Variants in PRR12 observed in about 807,000 individuals in gnomAD.
The protein encoded by PRR12 is proline-rich protein 12.
In PRR12, 12 loss-of-function variants were observed where a neutral mutation model predicts 138.0. The observed-to-expected ratio is 0.09, with a 90% confidence interval of 0.06 to 0.14. The LOEUF is 0.14. PRR12 is among the 10% of genes least tolerant of loss of function. PRR12 has a pLI of 1.00. For missense variants in PRR12, 2,692 were observed against 2,861.3 expected (o/e 0.94, Z 1.35); for synonymous variants, 1,567 against 1,291.7 (o/e 1.21, Z -4.57).
Position 49,596,841 on chromosome 19 carries a change from C to CCAA in PRR12, c.2507_2508insAAC (p.Pro836_Pro837insThr). 1 of 1,586,254 alleles carries CCAA rather than the reference C, an allele frequency of 6.3e-7. No homozygotes were observed. Among genetic ancestry groups the CCAA allele is most frequent in the Non-Finnish European group, 8.5e-7 (1 of 1,172,088 alleles). On this transcript the variant is annotated inframe_insertion, in exon 4 of 14. Coordinates refer to ENST00000418929, the MANE Select transcript of PRR12 (RefSeq NM_020719.3). The surrounding 1 kb of genome is among the most constrained non-coding windows in gnomAD (Gnocchi z 5.6). ...CACCCGCGATGGGGCACCCCAGCCA[C>CCAA]CTCCACCGCCACCCCCGCCTCCACC...
At chr19:49,620,617 A>G in intron 10 of PRR12, 140 bp downstream of exon 10, 1 of 1,275,702 alleles carries the variant, frequency 7.8e-7, no homozygotes, top group Non-Finnish European at 1.1e-6. Context: ...TGAGGCCTGG[A>G]CCTGGGTCTG....
intron 6 of PRR12, among the ~76,000 whole-genome samples, chr19:49,607,831 C>T (rs1237219793): frequency 6.6e-6 from 1 of 152,020 alleles, no homozygotes; most frequent in South Asian, 2.1e-4. Context: ...CCAGCCTGGT[C>T]AACATAGTGA....
chr19:49,595,876 AC>A lies in PRR12; in HGVS notation c.1544del (p.Pro515GlnfsTer76). On this transcript the variant is annotated frameshift_variant, in exon 4 of 14. Transcript: ENST00000418929. LOFTEE classifies it high-confidence loss of function. ...GQLYGVQGEP[Y>X]PGPAAHSQGL... The stretch of plus-strand genomic sequence containing the variant: ...CTGTATGGGGTGCAGGGCGAGCCAT[AC>A]CCAGGGCCAGCCGCCCACTCCCAGG... 6.2e-7 allele frequency: 1 copy of A among 1,603,372 alleles called. No homozygotes were observed.
rs2080775535 is a variant in PRR12 at position 49,596,967 on chromosome 19, G to A, written c.2632G>A (p.Gly878Ser). Residue 878 changes from glycine (G) to serine (S), a missense_variant, in exon 4 of 14, where the codon GGC becomes AGC. Around this residue, in one of 11 missense-constraint regions of PRR12, gnomAD observed 840 missense variants for 689.8 expected, o/e 1.22. Coordinates refer to ENST00000418929, the MANE Select transcript of PRR12 (RefSeq NM_020719.3). This position sits in a 1 kb window ranked among gnomAD's most constrained non-coding sequence, Gnocchi z 5.6. ...LRPEESLDPP[G>S]AMQELLGALE... Reference sequence around the variant, plus strand: ...ACCCGAGGAGAGCCTGGATCCGCCAGGCGCCATGCAGGAATTGCTCGGGGC... The same window carrying A: ...ACCCGAGGAGAGCCTGGATCCGCCAAGCGCCATGCAGGAATTGCTCGGGGC... The A allele has an allele frequency of 5.1e-6, 8 of 1,553,572 alleles. No homozygotes were observed. Among genetic ancestry groups the A allele is most frequent in the Non-Finnish European group, 6.9e-6 (8 of 1,153,916 alleles).
chr19:49,608,482 T>G (rs1183739971), intron 6 of PRR12, among the ~76,000 whole-genome samples: 1 of 152,060 alleles, frequency 6.6e-6, no homozygotes, highest in Non-Finnish European at 1.5e-5. Flanking sequence ...CTGGGACTCC[T>G]GCCTCAGCCT....
chr19:49,602,615 A>G (rs1013030985), intron 6 of PRR12, among the ~76,000 whole-genome samples: 2 of 152,136 alleles, frequency 1.3e-5, no homozygotes, highest in African/African-American at 4.8e-5. Flanking sequence ...GCGATGGCTC[A>G]ATCTCGGCTC....
At position 49,625,273 on chromosome 19, in the gene PRR12, C is replaced by A; in HGVS notation, c.5964+73C>A. 2 of 1,532,366 alleles carry A rather than the reference C, an allele frequency of 1.3e-6. No homozygotes were observed. The highest frequency in any genetic ancestry group is 9.0e-7 in the Non-Finnish European group (1 of 1,113,046). The allele number at this position is 1,532,366 out of a possible 1,614,324, so 94.9% of individuals were successfully genotyped here. A position where few individuals can be genotyped will look rare whatever the true frequency, so the allele number is the denominator to read the frequency against. Reference sequence around the variant, plus strand: ...GACTTCCTCTTGGGATCTGAGGGTCCAAGCCCAGCCCCATCCTGCCTCAGA... The same window carrying A: ...GACTTCCTCTTGGGATCTGAGGGTCAAAGCCCAGCCCCATCCTGCCTCAGA... On this transcript the variant is annotated intron_variant, in intron 13 of 13. Coordinates refer to ENST00000418929, the MANE Select transcript of PRR12 (RefSeq NM_020719.3). This position sits in a 1 kb window ranked among gnomAD's most constrained non-coding sequence, Gnocchi z 5.5.
chr19:49,606,985 G>T (rs1187929582), intron 6 of PRR12, among the ~76,000 whole-genome samples: 1 of 151,754 alleles, frequency 6.6e-6, no homozygotes, highest in African/African-American at 2.4e-5. Context: ...TTTCATTCCT[G>T]GTTTATAAAG....
rs779811425 is a variant in PRR12 at position 49,625,241 on chromosome 19, C to T, written c.5964+41C>T. ...AGCACCCATCGCCCTGGGATTCCAA[C>T]CTTTCTGACTTCCTCTTGGGATCTG... On this transcript the variant is annotated intron_variant, in intron 13 of 13. Coordinates refer to ENST00000418929, the MANE Select transcript of PRR12 (RefSeq NM_020719.3). This position sits in a 1 kb window ranked among gnomAD's most constrained non-coding sequence, Gnocchi z 5.5. The T allele has an allele frequency of 3.8e-6, 6 of 1,585,364 alleles. No homozygotes were observed. The South Asian group carries it at 6.6e-5, about 18-fold the overall frequency.
chr19:49,620,302 G>A (rs60074767), intron 9 of PRR12, 50 bp from the exon 10 acceptor site: 62,259 of 1,607,758 alleles, frequency 0.039, 1,705 homozygotes, highest in South Asian at 0.1. Context: ...CCACACAGGT[G>A]GTCTCAGAGG....
rs1191164401 is a variant in PRR12 at position 49,599,244 on chromosome 19, C to T, written c.3679-28C>T. 6 of 1,530,330 alleles carry T rather than the reference C, an allele frequency of 3.9e-6. No individual in the cohort carries two copies. Among genetic ancestry groups the T allele is most frequent in the Admixed American group, 2.0e-5 (1 of 48,800 alleles). 94.8% of individuals were successfully genotyped at this position (1,530,330 alleles called of 1,614,324 possible). ...GGACTGGGGGCCCAGGCTACTGGGC[C>T]CTCACGGCCCGCCACTCCCATGTCT... On this transcript the variant is annotated intron_variant, in intron 4 of 13. Transcript: ENST00000418929. This position sits in a 1 kb window ranked among gnomAD's most constrained non-coding sequence, Gnocchi z 5.0.
At position 49,616,006 on chromosome 19, in the gene PRR12, G is replaced by C; in HGVS notation, c.5284G>C (p.Gly1762Arg). The C allele has an allele frequency of 6.4e-7, 1 of 1,553,162 alleles. No homozygotes were observed. The highest frequency in any genetic ancestry group is 8.7e-7 in the Non-Finnish European group (1 of 1,147,994). ...ATTGCGGGGTGAGCGGGCCACCAGC[G>C]GACGGCAGACACGGCCAGAGCGGAG... ...RPLRGERATSGRQTRPERSLA... is the reference protein window; with the variant it reads ...RPLRGERATSRRQTRPERSLA... Residue 1762 changes from glycine to arginine, a missense_variant, in exon 9 of 14, where the codon GGA becomes CGA. Coordinates refer to ENST00000418929, the MANE Select transcript of PRR12 (RefSeq NM_020719.3). This position sits in a 1 kb window ranked among gnomAD's most constrained non-coding sequence, Gnocchi z 4.2.
Position 49,593,331 on chromosome 19 carries a change from G to A in PRR12, c.91G>A (p.Val31Ile). The A allele has an allele frequency of 6.2e-7, 1 of 1,601,528 alleles. No individual in the cohort carries two copies. The highest frequency in any genetic ancestry group is 8.5e-7 in the Non-Finnish European group (1 of 1,172,382). The change falls in exon 2 of 14, where the codon GTT becomes ATT. Residue 31 changes from valine to isoleucine, a missense_variant. By Grantham distance (29) the Val-to-Ile change is conservative. Coordinates refer to ENST00000418929, the MANE Select transcript of PRR12 (RefSeq NM_020719.3). ...SYERSAKASL[V>I]YGSSRTSHPE... ...ACGTCTCCCCTTTCCCCCCAGCTTG[G>A]TTTATGGCAGCTCCAGGACCTCGCA...
chr19:49,601,737 C>T lies in PRR12; in HGVS notation c.4592C>T (p.Ala1531Val). Residue 1531 changes from alanine to valine, a missense_variant, in exon 6 of 14, where the codon GCC (alanine) becomes GTC (valine). Transcript: ENST00000418929. ...CTGGCTGCTCCTCCTGAGGAGCCCG[C>T]CGCCCCGTCTCCCGAAGACCCCGAG... ...APLAAPPEEPAAPSPEDPELP... is the reference protein window; with the variant it reads ...APLAAPPEEPVAPSPEDPELP... The T allele has an allele frequency of 6.5e-7, 1 of 1,550,034 alleles. No homozygotes were observed.
At chr19:49,612,888 TC>T (rs2080873783) in intron 6 of PRR12, among the ~76,000 whole-genome samples, 1 of 151,688 alleles carries the variant, frequency 6.6e-6, no homozygotes, top group South Asian at 2.1e-4. Flanking sequence ...GGTCTCAAAC[TC>T]CCGACCTCAA....
rs1224910862 is a variant in PRR12 at position 49,615,844 on chromosome 19, A to G, written c.5122A>G (p.Lys1708Glu). 3.7e-6 allele frequency: 6 copies of G among 1,609,746 alleles called. No homozygotes were observed. Among genetic ancestry groups the G allele is most frequent in the Non-Finnish European group, 5.1e-6 (6 of 1,178,214 alleles). Reference protein sequence around the residue: ...APPPKPETPEKTTSEKPPEQT... With the variant: ...APPPKPETPEETTSEKPPEQT... ...ACCTCCCAAGCCTGAGACCCCTGAA[A>G]AGACGACATCTGAGAAGCCCCCAGA... is the stretch of plus-strand genomic sequence containing the variant. The change falls in exon 9 of 14, where the codon AAG becomes GAG. Residue 1708 changes from lysine (K) to glutamate (E), a missense_variant. Lys to Glu is a moderately conservative substitution (Grantham distance 56, BLOSUM62 1). Transcript: ENST00000418929.
At chr19:49,618,939 T>G (rs1227077991) in intron 9 of PRR12, among the ~76,000 whole-genome samples, 1 of 151,926 alleles carries the variant, frequency 6.6e-6, no homozygotes, top group East Asian at 1.9e-4. Flanking sequence ...TGCTCTCAGC[T>G]CTCTCATGGC....
chr19:49,610,294 C>T (rs1448150425), intron 6 of PRR12, among the ~76,000 whole-genome samples: 1 of 152,014 alleles, frequency 6.6e-6, no homozygotes, highest in Non-Finnish European at 1.5e-5. Context: ...CTGCAGTTTT[C>T]TCATTAATAT....
rs1370989220 is a variant in PRR12, at chr19:49,616,548, C to T, written c.5497+329C>T. On this transcript the variant is annotated intron_variant, in intron 9 of 13. Transcript: ENST00000418929. The surrounding 1 kb of genome is among the most constrained non-coding windows in gnomAD (Gnocchi z 4.2). ...AGTTGCAACTGAGCCCAGGGTGCCT[C>T]GGACTCTGTTCTTCAGTGCTGCGTT... Among the ~76,000 whole-genome samples, 5 of 152,092 alleles carry T rather than the reference C, an allele frequency of 3.3e-5. No homozygotes were observed. The highest frequency in any genetic ancestry group is 3.3e-4 in the Admixed American group (5 of 15,264).
Sources: gnomAD v4.1 joint callset for allele counts (sites outside exome capture counted in the v4.1 genomes callset) on GRCh38, gnomAD v4.1.1 for gene constraint, gnomAD v4.1.1 regional missense constraint, Gnocchi (gnomAD v3.1) non-coding constraint, MANE v1.5 for transcripts, NCBI Gene and HGNC (gene_info 2026-07-23, HGNC 2026-07-21) for gene names.